The following COL4A3 variants were observed in gnomAD, a reference collection of about 807,000 sequenced individuals.
COL4A3 encodes the protein collagen type IV alpha 3 chain.
COL4A3 carries 135 observed loss-of-function variants against 217.4 expected under a neutral mutation model. That is an observed-to-expected ratio of 0.62 (90% CI 0.54 to 0.72). The LOEUF (loss-of-function observed/expected upper bound fraction) is 0.72, where lower values mean the gene tolerates loss of function less well. Among genes scored for constraint, COL4A3 ranks in the 30% least tolerant of loss-of-function variants. The pLI is 0.00. For missense variants in COL4A3, 1,868 were observed against 2,119.9 expected, an observed-to-expected ratio of 0.88 and a Z score of 2.33; for synonymous variants, 690 against 736.3, an observed-to-expected ratio of 0.94 and a Z score of 1.02.
intron 1 of COL4A3, among the ~76,000 whole-genome samples, chr2:227,218,079 G>GTTATAA (rs1559836142): frequency 1.6e-4 from 7 of 42,614 alleles, no homozygotes; most frequent in African/African-American, 5.3e-4. Context: ...TATATATATA[G>GTTATAA]CTATATATAT....
rs906353551 is a variant in COL4A3, at chr2:227,277,039, G to T, written c.2021-410G>T. 1.3e-4 allele frequency among the ~76,000 whole-genome samples: 20 copies of T among 152,178 alleles called. 1 individual carries two copies. The highest frequency in any genetic ancestry group is 4.4e-5 in the Non-Finnish European group (3 of 68,028). ...GGGTTGTGTTAAAAATTTTTTCTTG[G>T]CCGGGCACGGTGGCTCACGCCTGTA... On this transcript the variant is annotated intron_variant, in intron 27 of 51. Coordinates refer to ENST00000396578, the MANE Select transcript of COL4A3 (RefSeq NM_000091.5).
intron 1 of COL4A3, among the ~76,000 whole-genome samples, chr2:227,193,615 G>A (rs1470736397): frequency 2.0e-5 from 3 of 152,004 alleles, no homozygotes; most frequent in Non-Finnish European, 2.9e-5. Flanking sequence ...GGGAGGTTGA[G>A]GCAGGAGAAT....
chr2:227,192,334 G>T (rs545560714), intron 1 of COL4A3, among the ~76,000 whole-genome samples: 6 of 152,240 alleles, frequency 3.9e-5, no homozygotes, highest in African/African-American at 1.2e-4. Flanking sequence ...ATTTCTTCAT[G>T]TGCACATAAT....
chr2:227,207,981 C>T (rs923285745), intron 1 of COL4A3, among the ~76,000 whole-genome samples: 1 of 152,150 alleles, frequency 6.6e-6, no homozygotes, highest in African/African-American at 2.4e-5. Context: ...GCATTCTCCT[C>T]TTAGAAAAAT....
chr2:227,292,829 T>C (rs937754144), intron 37 of COL4A3, among the ~76,000 whole-genome samples: 1 of 152,196 alleles, frequency 6.6e-6, no homozygotes, highest in Non-Finnish European at 1.5e-5. Context: ...GGACTGTGTA[T>C]GTCATAAATC....
chr2:227,205,295 G>T (rs2067057972), intron 1 of COL4A3, among the ~76,000 whole-genome samples: 1 of 151,922 alleles, frequency 6.6e-6, no homozygotes. Flanking sequence ...CAAAATATTA[G>T]GTTGTATATG....
chr2:227,187,223 C>A (rs997783821), intron 1 of COL4A3, among the ~76,000 whole-genome samples: 2 of 152,170 alleles, frequency 1.3e-5, no homozygotes, highest in African/African-American at 4.8e-5. Flanking sequence ...TGGATTCCAG[C>A]AACCTTTCAG....
chr2:227,203,255 A>G (rs866298031), intron 1 of COL4A3, among the ~76,000 whole-genome samples: 1 of 66,354 alleles, frequency 1.5e-5, no homozygotes, highest in Admixed American at 1.7e-4. Flanking sequence ...ATATATGTAT[A>G]TATACATATA....
At chr2:227,241,708 A>G (rs1054011988) in intron 3 of COL4A3, among the ~76,000 whole-genome samples, 2 of 151,974 alleles carry the variant, frequency 1.3e-5, no homozygotes, top group Non-Finnish European at 2.9e-5. Flanking sequence ...ATATATATGT[A>G]TTAAAATAAT....
intron 9 of COL4A3, 106 bp downstream of exon 9, chr2:227,248,626 ACT>A (rs2069505778): frequency 1.3e-6 from 1 of 749,604 alleles, no homozygotes; most frequent in Admixed American, 2.0e-5. Flanking sequence ...AGTCCCTCTC[ACT>A]CTCTTAAGAA....
chr2:227,288,877 C>A (rs915592794), intron 34 of COL4A3, among the ~76,000 whole-genome samples: 1 of 151,532 alleles, frequency 6.6e-6, no homozygotes, highest in African/African-American at 2.4e-5. Context: ...AATATGCCAT[C>A]GGTTTAAACC....
At chr2:227,303,957 T>C in intron 45 of COL4A3, 27 bp downstream of exon 45, 1 of 1,614,234 alleles carries the variant, frequency 6.2e-7, no homozygotes, top group South Asian at 1.1e-5. Flanking sequence ...ACTATTGCTG[T>C]CAATGAAGAA....
At chr2:227,292,028 C>T (rs1049322825) in intron 37 of COL4A3, among the ~76,000 whole-genome samples, 2 of 152,184 alleles carry the variant, frequency 1.3e-5, no homozygotes, top group Non-Finnish European at 2.9e-5. Flanking sequence ...AGCCCAGCAA[C>T]CTCTTGAAAC....
Position 227,253,679 on chromosome 2 carries a change from G to A in COL4A3, c.765+41G>A, listed in dbSNP as rs761793346. ...TATGATTAGTGTTGTGCCTTCCCGT[G>A]TCTAGGATGAAGTCCTTGTGACCCT... On this transcript the variant is annotated intron_variant, in intron 13 of 51. Transcript: ENST00000396578. This position sits in a 1 kb window ranked among gnomAD's most constrained non-coding sequence, Gnocchi z 4.4. 5 of 1,538,866 alleles carry A rather than the reference G, an allele frequency of 3.2e-6. No homozygotes were observed. The highest frequency in any genetic ancestry group is 1.7e-4 in the Middle Eastern group (1 of 5,942).
rs1160313671 is a variant in COL4A3, at chr2:227,270,851, C to T, written c.1657C>T (p.Pro553Ser). 1.2e-6 allele frequency: 2 copies of T among 1,614,104 alleles called. No individual in the cohort carries two copies. Among genetic ancestry groups the T allele is most frequent in the Non-Finnish European group, 1.7e-6 (2 of 1,180,018 alleles). Residue 553 changes from proline (P) to serine (S), a missense_variant, in exon 25 of 52, where the codon CCA becomes TCA. Around this residue, in one of 2 missense-constraint regions of COL4A3, gnomAD observed 1,503 missense variants for 1,786.1 expected, o/e 0.84. Transcript: ENST00000396578. ...TCAGCCTGAGGGGCAAGTGGGTGTCCCAGGTGACCCGGGGCTCAGAGGCCA... is the reference window on the plus strand; with the variant it reads ...TCAGCCTGAGGGGCAAGTGGGTGTCTCAGGTGACCCGGGGCTCAGAGGCCA... Reference protein sequence around the residue: ...TLQPEGQVGVPGDPGLRGQPG... With the variant: ...TLQPEGQVGVSGDPGLRGQPG...
At chr2:227,303,954 C>T (rs1411982873) in intron 45 of COL4A3, 24 bp downstream of exon 45, 8 of 1,614,194 alleles carry the variant, frequency 5.0e-6, no homozygotes, top group East Asian at 2.2e-5. Context: ...CTTACTATTG[C>T]TGTCAATGAA....
chr2:227,253,618 A>T lies in COL4A3; in HGVS notation c.745A>T (p.Thr249Ser), dbSNP rs976897521. 12 of 1,613,862 alleles carry T rather than the reference A, an allele frequency of 7.4e-6. 1 individual carries two copies. Among genetic ancestry groups the T allele is most frequent in the Middle Eastern group, 1.6e-4 (1 of 6,062 alleles). ...ACCAGGAACAGTTATTGTGACCCTA[A>T]CTGGCCCAGATAACAGAACGGTAAC... ...GPPGTVIVTL[T>S]GPDNRTDLKG... The change falls in exon 13 of 52, where the codon ACT becomes TCT. Residue 249 changes from threonine to serine, a missense_variant. By Grantham distance (58) the Thr-to-Ser change is moderately conservative (BLOSUM62 1). Around this residue, in one of 2 missense-constraint regions of COL4A3, gnomAD observed 365 missense variants for 333.8 expected, o/e 1.09. Coordinates refer to ENST00000396578, the MANE Select transcript of COL4A3 (RefSeq NM_000091.5). The surrounding 1 kb of genome is among the most constrained non-coding windows in gnomAD (Gnocchi z 4.4).
intron 31 of COL4A3, chr2:227,281,614 C>G (rs1194282632): frequency 1.3e-5 from 2 of 154,216 alleles, no homozygotes; most frequent in Admixed American, 6.4e-5. Flanking sequence ...GTCTATCATA[C>G]TGCTTATATG....
At chr2:227,299,495 T>G (rs1310085379) in intron 43 of COL4A3, among the ~76,000 whole-genome samples, 1 of 152,198 alleles carries the variant, frequency 6.6e-6, no homozygotes, top group Non-Finnish European at 1.5e-5. Flanking sequence ...TACCTCCCAC[T>G]GGGTCCTTCC....
Sources: allele counts gnomAD v4.1 joint callset (sites outside exome capture counted in the v4.1 genomes callset), GRCh38; gene constraint gnomAD v4.1.1; regional missense constraint gnomAD v4.1.1; non-coding constraint Gnocchi (gnomAD v3.1); transcripts MANE v1.5; gene names NCBI Gene and HGNC (gene_info 2026-07-23, HGNC 2026-07-21).